The following OR56A4 variants were observed in gnomAD, a reference collection of about 807,000 sequenced individuals.
OR56A4 encodes the protein olfactory receptor 56A4.
A neutral mutation model predicts 13.6 loss-of-function variants in OR56A4; 9 were observed. The observed-to-expected ratio is 0.66, with a 90% CI of 0.40 to 1.15. The LOEUF (loss-of-function observed/expected upper bound fraction) is 1.15. Among genes scored for constraint, OR56A4 ranks in the 50% most tolerant of loss-of-function variants. The probability of loss-of-function intolerance (pLI) is 0.01; values close to 1 mark genes in which losing one functional copy is unlikely to be tolerated. For synonymous variants in OR56A4, 167 were observed against 153.9 expected (o/e 1.08, Z -0.63); for missense variants, 380 against 375.9 (o/e 1.01, Z -0.09).
Position 6,001,909 on chromosome 11 carries a change from G to A in OR56A4, c.*142C>T. 1 of 726,338 alleles carries A rather than the reference G, an allele frequency of 1.4e-6. No individual in the cohort carries two copies. Among genetic ancestry groups the A allele is most frequent in the Non-Finnish European group, 2.1e-6 (1 of 472,740 alleles). 45.0% of individuals were successfully genotyped at this position (726,338 alleles called of 1,614,324 possible). A position where few individuals can be genotyped will look rare whatever the true frequency, so the allele number is the denominator to read the frequency against. On this transcript the variant is annotated 3_prime_UTR_variant, in exon 3 of 3. Coordinates refer to ENST00000641156, the MANE Select transcript of OR56A4 (RefSeq NM_001005179.4). ...TTCACAAATAAATGTGTTCATTGTT[G>A]CCTGAGATATTGAGAACAGAAGAAT...
intron 2 of OR56A4, among the ~76,000 whole-genome samples, chr11:6,004,600 T>G (rs1848243467): frequency 6.6e-6 from 1 of 152,136 alleles, no homozygotes; most frequent in South Asian, 2.1e-4. Flanking sequence ...TTTAAAAAAA[T>G]TTACCCATTG....
rs779163898 is a variant in OR56A4, at chr11:6,002,625, T to C, written c.368A>G (p.Tyr123Cys). 1.4e-5 allele frequency: 22 copies of C among 1,614,078 alleles called. No homozygotes were observed. The highest frequency in any genetic ancestry group is 1.8e-5 in the Non-Finnish European group (21 of 1,180,026). ...MESCTFMVMA[Y>C]DRYVAICHPL... ...ATGGCAGATGGCCACATAACGGTCATAGGCCATGACCATGAACGTGCAGGA... is the reference window on the plus strand; with the variant it reads ...ATGGCAGATGGCCACATAACGGTCACAGGCCATGACCATGAACGTGCAGGA... The change falls in exon 3 of 3, where the codon TAT (tyrosine) becomes TGT (cysteine). Residue 123 changes from tyrosine to cysteine, a missense_variant. Transcript: ENST00000641156.
Position 6,002,853 on chromosome 11 carries a change from G to A in OR56A4, c.140C>T (p.Thr47Ile). The change falls in exon 3 of 3, where the codon ACC becomes ATC. Residue 47 changes from threonine (T) to isoleucine (I), a missense_variant. Physicochemically the swap from Thr to Ile is moderately conservative, Grantham distance 89. Coordinates refer to ENST00000641156, the MANE Select transcript of OR56A4 (RefSeq NM_001005179.4). ...CTCCAGCTGGATGGTGATCAGGAGG[G>A]TGGTGTTAGCTCCCATGGCCAGGAG... is the stretch of plus-strand genomic sequence containing the variant. The part of the protein sequence containing the change: ...LFLLAMGANT[T>I]LLITIQLEAS... 6.2e-7 allele frequency: 1 copy of A among 1,614,058 alleles called. No homozygotes were observed.
At chr11:6,005,691 G>T (rs1848252984) in intron 2 of OR56A4, among the ~76,000 whole-genome samples, 1 of 152,190 alleles carries the variant, frequency 6.6e-6, no homozygotes, top group Non-Finnish European at 1.5e-5. Flanking sequence ...CAGATTCCTT[G>T]TCTGGCTAGA....
intron 2 of OR56A4, among the ~76,000 whole-genome samples, chr11:6,005,035 A>G (rs1848246973): frequency 6.6e-6 from 1 of 152,168 alleles, no homozygotes; most frequent in Non-Finnish European, 1.5e-5. Flanking sequence ...AAGCAGTGTA[A>G]TGTGGTTTAA....
At chr11:6,005,201 G>A (rs1848248223) in intron 2 of OR56A4, among the ~76,000 whole-genome samples, 2 of 152,130 alleles carry the variant, frequency 1.3e-5, no homozygotes, top group Admixed American at 1.3e-4. Flanking sequence ...GGGGAAAGGG[G>A]CTGTCATATT....
intron 2 of OR56A4, among the ~76,000 whole-genome samples, chr11:6,006,009 T>C (rs1466473735): frequency 6.6e-6 from 1 of 152,116 alleles, no homozygotes; most frequent in African/African-American, 2.4e-5. Context: ...GAAAAGTGAT[T>C]AAGATCTGAA....
rs991323613 is a variant in OR56A4 at position 6,000,211 on chromosome 11, G to C, written c.*1840C>G. On this transcript the variant is annotated 3_prime_UTR_variant, in exon 3 of 3. Transcript: ENST00000641156. ...CACAATAGCAAAGACTTGGAACCAA[G>C]CCAAATGTCCAACAATGGTAGACTG... The C allele has an allele frequency of 5.9e-5, 9 of 152,294 alleles. No individual in the cohort carries two copies. Among genetic ancestry groups the C allele is most frequent in the African/African-American group, 1.4e-4 (6 of 41,548 alleles). 9.4% of individuals were successfully genotyped at this position (152,294 alleles called of 1,614,324 possible). A position where few individuals can be genotyped will look rare whatever the true frequency, so the allele number is the denominator to read the frequency against.
intron 2 of OR56A4, 94 bp from the exon 3 acceptor site, chr11:6,003,122 T>A: frequency 6.3e-7 from 1 of 1,580,010 alleles, no homozygotes; most frequent in Non-Finnish European, 8.6e-7. Flanking sequence ...TCTGTCCCAA[T>A]AAAGTTTTTA....
intron 2 of OR56A4, among the ~76,000 whole-genome samples, chr11:6,004,360 A>C (rs1304062884): frequency 2.0e-5 from 3 of 152,132 alleles, no homozygotes. Flanking sequence ...CTCAGAAAAA[A>C]AAGAAAAAAG....
rs1252720261 is a variant in OR56A4, at chr11:6,002,667, C to T, written c.326G>A (p.Ser109Asn). The T allele has an allele frequency of 1.2e-6, 2 of 1,614,242 alleles. No individual in the cohort carries two copies. The highest frequency in any genetic ancestry group is 3.3e-5 in the Admixed American group (2 of 60,030). Residue 109 changes from serine (S) to asparagine (N), a missense_variant, in exon 3 of 3, where the codon AGT (serine) becomes AAT (asparagine). Transcript: ENST00000641156. ...ACFLQMFIMN[S>N]FLTMESCTFM... ...CGTGCAGGACTCCATGGTCAAAAAA[C>T]TGTTCATGATGAACATCTGGAGGAA...
At chr11:6,006,147 T>C (rs897343330) in intron 2 of OR56A4, 102 bp downstream of exon 2, 2 of 152,190 alleles carry the variant, frequency 1.3e-5, no homozygotes, top group Admixed American at 6.5e-5. Context: ...GCCTCCCAGA[T>C]TTTTTAACGA....
At position 6,001,974 on chromosome 11, in the gene OR56A4, A is replaced by G; in HGVS notation, c.*77T>C. ...GATTTAAAGTGAAATTTCCTTTCCA[A>G]CATAAAATTAATTCCCTATTTCCCA... On this transcript the variant is annotated 3_prime_UTR_variant, in exon 3 of 3. Coordinates refer to ENST00000641156, the MANE Select transcript of OR56A4 (RefSeq NM_001005179.4). The G allele has an allele frequency of 7.0e-7, 1 of 1,420,352 alleles. No homozygotes were observed. 88.0% of individuals were successfully genotyped at this position (1,420,352 alleles called of 1,614,324 possible).
Position 6,006,281 on chromosome 11 carries a change from C to T in OR56A4, c.-69G>A, listed in dbSNP as rs537469757. 3.3e-5 allele frequency: 5 copies of T among 152,192 alleles called. No individual in the cohort carries two copies. In the South Asian group the frequency reaches 1.0e-3, roughly 32 times the overall value. 9.4% of individuals were successfully genotyped at this position (152,192 alleles called of 1,614,324 possible). A position where few individuals can be genotyped will look rare whatever the true frequency, so the allele number is the denominator to read the frequency against. On this transcript the variant is annotated 5_prime_UTR_variant, in exon 2 of 3. Coordinates refer to ENST00000641156, the MANE Select transcript of OR56A4 (RefSeq NM_001005179.4). ...TTCCTTAATAGCTGGAATGATTTTT[C>T]CTCCCTCTGAATTTTCCTTAGTGAA...
At chr11:6,003,068 C>A (rs754512143) in intron 2 of OR56A4, 40 bp from the exon 3 acceptor site, 4 of 1,613,322 alleles carry the variant, frequency 2.5e-6, no homozygotes, top group Non-Finnish European at 2.5e-6. Context: ...ATAAAAAGTA[C>A]ATTCTAGACG....
chr11:6,002,789 G>C lies in OR56A4; in HGVS notation c.204C>G (p.Leu68=). 1 of 1,613,832 alleles carries C rather than the reference G, an allele frequency of 6.2e-7. No individual in the cohort carries two copies. Among genetic ancestry groups the C allele is most frequent in the Non-Finnish European group, 8.5e-7 (1 of 1,179,898 alleles). The change falls in exon 3 of 3, where the codon CTC becomes CTG. Residue 68 remains leucine, a synonymous_variant. Transcript: ENST00000641156. The part of the protein sequence containing the change: ...LHQPLYYLLS[L]LSLLDIVLCL... ...AGAGCACGATGTCCAGCAGGGAGAG[G>C]AGGCTGAGCAGGTAGTACAGGGGCT...
chr11:6,002,381 C>T lies in OR56A4; in HGVS notation c.612G>A (p.Val204=), dbSNP rs2133572628. 2 of 1,614,160 alleles carry T rather than the reference C, an allele frequency of 1.2e-6. No individual in the cohort carries two copies. The highest frequency in any genetic ancestry group is 4.5e-5 in the East Asian group (2 of 44,890). Residue 204 remains valine, a synonymous_variant, in exon 3 of 3, where the codon GTG becomes GTA. Coordinates refer to ENST00000641156, the MANE Select transcript of OR56A4 (RefSeq NM_001005179.4). ...DITFNQLYQF[V]AGWTLLGSDL... is the part of the protein sequence containing the mutation. ...CAGAGCCCAACAGAGTCCAGCCTGC[C>T]ACAAACTGGTAGAGCTGATTGAAAG... is the stretch of plus-strand genomic sequence containing the variant.
rs1346363772 is a variant in OR56A4 at position 6,000,082 on chromosome 11, A to G, written c.*1969T>C. 6.6e-6 allele frequency: 1 copy of G among 152,248 alleles called. No individual in the cohort carries two copies. The highest frequency in any genetic ancestry group is 2.4e-5 in the African/African-American group (1 of 41,466). 9.4% of individuals were successfully genotyped at this position (152,248 alleles called of 1,614,324 possible). ...ATTCCTCAGGGATCTAGAACTAGAA[A>G]TACCATTTGACCCAGCCATCCCATT... is the stretch of plus-strand genomic sequence containing the variant. On this transcript the variant is annotated 3_prime_UTR_variant, in exon 3 of 3. Transcript: ENST00000641156.
intron 2 of OR56A4, among the ~76,000 whole-genome samples, chr11:6,005,498 G>A (rs916433573): frequency 1.3e-5 from 2 of 152,184 alleles, no homozygotes; most frequent in African/African-American, 2.4e-5. Flanking sequence ...TCTGATGGTA[G>A]GCATTGTCAC....
Sources: allele counts gnomAD v4.1 joint callset (sites outside exome capture counted in the v4.1 genomes callset), GRCh38; gene constraint gnomAD v4.1.1; transcripts MANE v1.5; gene names NCBI Gene and HGNC (gene_info 2026-07-23, HGNC 2026-07-21).